LAMC2: variants seen among roughly 807,000 people sequenced by gnomAD.
LAMC2 encodes laminin subunit gamma 2, also known as laminin subunit gamma-2.
A neutral mutation model predicts 140.2 loss-of-function variants in LAMC2; 97 were observed. The ratio of observed to expected loss-of-function variants is 0.69; its 90% CI spans 0.59 to 0.82. LAMC2 has a LOEUF of 0.82. Among genes scored for constraint, LAMC2 ranks in the 40% least tolerant of loss-of-function variants. The probability of loss-of-function intolerance (pLI) is 0.00; values close to 1 mark genes in which losing one functional copy is unlikely to be tolerated. For synonymous variants in LAMC2, 513 were observed against 540.2 expected, an observed-to-expected ratio of 0.95 and a Z score of 0.70; for missense variants, 1,402 against 1,476.1, an observed-to-expected ratio of 0.95 and a Z score of 0.82.
At position 183,243,550 on chromosome 1, in the gene LAMC2, T is replaced by C; in HGVS notation, c.*150T>C. The C allele has an allele frequency of 2.1e-6, 2 of 930,742 alleles. No individual in the cohort carries two copies. The highest frequency in any genetic ancestry group is 2.8e-5 in the South Asian group (2 of 70,334). 57.7% of individuals were successfully genotyped at this position (930,742 alleles called of 1,614,324 possible). ...TGACCTGACCCCATTCCTGATCCCA[T>C]GGCCAGGTGGTTGTCTTATTGCACC... On this transcript the variant is annotated 3_prime_UTR_variant, in exon 23 of 23. Coordinates refer to ENST00000264144, the MANE Select transcript of LAMC2 (RefSeq NM_005562.3).
intron 14 of LAMC2, among the ~76,000 whole-genome samples, chr1:183,233,714 A>T (rs1214582766): frequency 6.6e-6 from 1 of 152,118 alleles, no homozygotes; most frequent in Non-Finnish European, 1.5e-5. Context: ...TAAAAAATGT[A>T]CATGTATATA....
intron 20 of LAMC2, 152 bp downstream of exon 20, chr1:183,239,715 AAG>A (rs1660072669): frequency 1.5e-6 from 1 of 685,698 alleles, no homozygotes. Flanking sequence ...TATGGTAGCA[AAG>A]ACGCATGACA....
At chr1:183,211,644 C>T (rs4651150) in intron 2 of LAMC2, among the ~76,000 whole-genome samples, 36,192 of 151,720 alleles carry the variant, frequency 0.24, 4,971 homozygotes, top group East Asian at 0.38. Context: ...CTGAGTAGCT[C>T]GGACTACTGG....
In LAMC2 at chr1:183,222,091, G is replaced by A. The variant is rs529113560; in HGVS notation, c.643G>A (p.Val215Ile). 5.6e-6 allele frequency: 9 copies of A among 1,614,178 alleles called. No homozygotes were observed. In the South Asian group the frequency reaches 9.9e-5, roughly 18 times the overall value. Residue 215 changes from valine to isoleucine, a missense_variant and splice_region_variant, in exon 6 of 23, where the codon GTT becomes ATT. Around this residue, in one of 3 missense-constraint regions of LAMC2, gnomAD observed 723 missense variants for 783.3 expected, o/e 0.92. Coordinates refer to ENST00000264144, the MANE Select transcript of LAMC2 (RefSeq NM_005562.3). ...HKITSTFHQD[V>I]DGWKAVQRNG... is the part of the protein sequence containing the mutation. ...GACTGATTATGTTTGTGTTCCAGAT[G>A]TTGATGGCTGGAAGGCTGTCCAACG...
At chr1:183,226,637 T>G in intron 8 of LAMC2, 61 bp from the exon 9 acceptor site, 1 of 1,392,570 alleles carries the variant, frequency 7.2e-7, no homozygotes, top group Non-Finnish European at 1.0e-6. Flanking sequence ...CCAAGAGAGA[T>G]CTGACTTGAG....
rs540729716 is a variant in LAMC2 at position 183,245,086 on chromosome 1, G to A, written c.*1686G>A. On this transcript the variant is annotated 3_prime_UTR_variant, in exon 23 of 23. Transcript: ENST00000264144. ...ATGATGCTGTCAATGAGATTTTTAT[G>A]AGGTTTAACTGATGCTGTCTTCTAA... Among the ~76,000 whole-genome samples the A allele has an allele frequency of 7.2e-4, 110 of 152,264 alleles. No individual in the cohort carries two copies. Among genetic ancestry groups the A allele is most frequent in the Non-Finnish European group, 1.1e-3 (74 of 68,034 alleles).
the LAMC2 span, among the ~76,000 whole-genome samples, chr1:183,258,284 G>A: frequency 6.6e-6 from 1 of 152,130 alleles, no homozygotes; most frequent in Admixed American, 6.5e-5. Context: ...CTCCACATAC[G>A]TAGATTCTAA....
At position 183,232,586 on chromosome 1, in the gene LAMC2, G is replaced by A. The variant is rs1246966084; in HGVS notation, c.2015-66G>A. On this transcript the variant is annotated intron_variant, in intron 13 of 22. Transcript: ENST00000264144. ...TTGACCATAAGCCAGTCAACCCTCCGTTATGTTTGCTAACTCTATGCTGAC... is the reference window on the plus strand; with the variant it reads ...TTGACCATAAGCCAGTCAACCCTCCATTATGTTTGCTAACTCTATGCTGAC... 60 of 1,430,268 alleles carry A rather than the reference G, an allele frequency of 4.2e-5. 1 individual carries two copies. The East Asian group carries it at 5.7e-4, about 14-fold the overall frequency. The allele number at this position is 1,430,268 out of a possible 1,614,324, so 88.6% of individuals were successfully genotyped here. A position where few individuals can be genotyped will look rare whatever the true frequency, so the allele number is the denominator to read the frequency against.
Position 183,218,546 on chromosome 1 carries a change from A to G in LAMC2, c.503+58A>G, listed in dbSNP as rs1659356761. 3.2e-6 allele frequency: 4 copies of G among 1,232,808 alleles called. No homozygotes were observed. In the African/African-American group the frequency reaches 6.0e-5, roughly 18 times the overall value. The allele number at this position is 1,232,808 out of a possible 1,614,324, so 76.4% of individuals were successfully genotyped here. A position where few individuals can be genotyped will look rare whatever the true frequency, so the allele number is the denominator to read the frequency against. On this transcript the variant is annotated intron_variant, in intron 4 of 22. Transcript: ENST00000264144. Reference sequence around the variant, plus strand: ...AGAGAGTCCCTTGCCAACTAGCATGAGAATTAATCCTCCGAGTGTAATTAT... The same window carrying G: ...AGAGAGTCCCTTGCCAACTAGCATGGGAATTAATCCTCCGAGTGTAATTAT...
chr1:183,228,362 G>T lies in LAMC2; in HGVS notation c.1469-12G>T, dbSNP rs1659694417. 2.5e-6 allele frequency: 4 copies of T among 1,614,152 alleles called. No individual in the cohort carries two copies. Among genetic ancestry groups the T allele is most frequent in the South Asian group, 1.1e-5 (1 of 91,072 alleles). On this transcript the variant is annotated splice_polypyrimidine_tract_variant and intron_variant, in intron 10 of 22. Transcript: ENST00000264144. This position sits in a 1 kb window ranked among gnomAD's most constrained non-coding sequence, Gnocchi z 4.3. ...GATGTCGACCTAGGCTTGGTCATTT[G>T]TTCCTTCCCAGGTGCCCGCTGTGAG...
At position 183,223,201 on chromosome 1, in the gene LAMC2, G is replaced by A. The variant is rs747770753; in HGVS notation, c.830G>A (p.Arg277Lys). The A allele has an allele frequency of 1.2e-6, 2 of 1,614,218 alleles. No individual in the cohort carries two copies. Among genetic ancestry groups the A allele is most frequent in the South Asian group, 2.2e-5 (2 of 91,076 alleles). The stretch of plus-strand genomic sequence containing the variant: ...CTGTCCTTTGACTACCGTGTGGACA[G>A]AGGAGGCAGACACCCATCTGCCCAT... ...QSLSFDYRVD[R>K]GGRHPSAHDV... The change falls in exon 7 of 23, where the codon AGA (arginine) becomes AAA (lysine). Residue 277 changes from arginine to lysine, a missense_variant. Arg to Lys is a conservative substitution (Grantham distance 26). Coordinates refer to ENST00000264144, the MANE Select transcript of LAMC2 (RefSeq NM_005562.3).
intron 1 of LAMC2, among the ~76,000 whole-genome samples, chr1:183,202,055 AT>A (rs1658722880): frequency 6.6e-6 from 1 of 151,954 alleles, no homozygotes; most frequent in Admixed American, 6.6e-5. Flanking sequence ...TTAGCTGGGT[AT>A]GGTGGTACAT....
At chr1:183,202,532 A>G (rs184117189) in intron 1 of LAMC2, among the ~76,000 whole-genome samples, 5 of 152,372 alleles carry the variant, frequency 3.3e-5, no homozygotes, top group Admixed American at 6.5e-5. Flanking sequence ...AGTTTGATGT[A>G]TTTGTTATGT....
downstream of LAMC2, chr1:183,248,441 T>A (rs1660285039): frequency 6.6e-6 from 1 of 152,554 alleles, no homozygotes; most frequent in Non-Finnish European, 1.5e-5. Context: ...CAAAAAGCGA[T>A]TCAAAAAAGC....
chr1:183,243,523 A>G lies in LAMC2; in HGVS notation c.*123A>G. ...ATGTTTAATGGGTATGCTCAGGTCAACTGACCTGACCCCATTCCTGATCCC... is the reference window on the plus strand; with the variant it reads ...ATGTTTAATGGGTATGCTCAGGTCAGCTGACCTGACCCCATTCCTGATCCC... On this transcript the variant is annotated 3_prime_UTR_variant, in exon 23 of 23. Coordinates refer to ENST00000264144, the MANE Select transcript of LAMC2 (RefSeq NM_005562.3). 2 of 1,209,034 alleles carry G rather than the reference A, an allele frequency of 1.7e-6. No homozygotes were observed. The highest frequency in any genetic ancestry group is 2.4e-6 in the Non-Finnish European group (2 of 823,620). The allele number at this position is 1,209,034 out of a possible 1,614,324, so 74.9% of individuals were successfully genotyped here.
intron 1 of LAMC2, among the ~76,000 whole-genome samples, chr1:183,195,209 G>A (rs1321623297): frequency 6.6e-6 from 1 of 152,250 alleles, no homozygotes; most frequent in East Asian, 1.9e-4. Context: ...TGGAGTGTCA[G>A]GGGAAGACAT....
chr1:183,201,749 T>C (rs1281326752), intron 1 of LAMC2, among the ~76,000 whole-genome samples: 7 of 152,138 alleles, frequency 4.6e-5, no homozygotes, highest in African/African-American at 1.4e-4. Flanking sequence ...CTACTAGAAA[T>C]ACTAAAATAT....
At chr1:183,258,351 A>G in the LAMC2 span, among the ~76,000 whole-genome samples, 1 of 152,280 alleles carries the variant, frequency 6.6e-6, no homozygotes, top group East Asian at 1.9e-4. Flanking sequence ...CTGCCTTTCA[A>G]TGCATGCACT....
chr1:183,258,680 CCCTAAACTGCT>C, the LAMC2 span, among the ~76,000 whole-genome samples: 1 of 152,130 alleles, frequency 6.6e-6, no homozygotes, highest in African/African-American at 2.4e-5. Context: ...ATCTGACCCT[CCCTAAACTGCT>C]CCTAAGATCA....
Sources: allele counts gnomAD v4.1 joint callset (sites outside exome capture counted in the v4.1 genomes callset), GRCh38; gene constraint gnomAD v4.1.1; regional missense constraint gnomAD v4.1.1; non-coding constraint Gnocchi (gnomAD v3.1); transcripts MANE v1.5; gene names NCBI Gene and HGNC (gene_info 2026-07-23, HGNC 2026-07-21).